Variants in RGS7 observed in about 807,000 individuals in gnomAD.
RGS7 encodes regulator of G protein signaling 7.
RGS7 carries 27 observed loss-of-function variants against 81.1 expected under a neutral mutation model. That is an observed-to-expected ratio of 0.33 (90% CI 0.25 to 0.46). The LOEUF (loss-of-function observed/expected upper bound fraction) is 0.46, where lower values mean the gene tolerates loss of function less well. Among genes scored for constraint, RGS7 ranks in the 20% least tolerant of loss-of-function variants. RGS7 has a pLI of 1.00. For missense variants in RGS7, 396 were observed against 607.4 expected (o/e 0.65, Z 3.66); for synonymous variants, 208 against 207.7 (o/e 1.00, Z -0.01).
At chr1:241,309,214 C>T (rs1352971227) in intron 2 of RGS7, among the ~76,000 whole-genome samples, 1 of 151,834 alleles carries the variant, frequency 6.6e-6, no homozygotes, top group African/African-American at 2.4e-5. Flanking sequence ...TGGTGAAACC[C>T]TGTCTCTACT....
chr1:241,086,112 T>C (rs1430769389), intron 3 of RGS7, among the ~76,000 whole-genome samples: 1 of 152,196 alleles, frequency 6.6e-6, no homozygotes, highest in African/African-American at 2.4e-5. Flanking sequence ...AACAGGTATC[T>C]CATGTATTCA....
intron 2 of RGS7, among the ~76,000 whole-genome samples, chr1:241,182,648 C>CTTTTTT (rs34005010): frequency 3.4e-5 from 4 of 118,182 alleles, no homozygotes; most frequent in Admixed American, 9.1e-5. Flanking sequence ...GCATCTCACG[C>CTTTTTT]TTTTTTTTTT....
At chr1:241,275,145 A>C in intron 2 of RGS7, among the ~76,000 whole-genome samples, 1 of 152,208 alleles carries the variant, frequency 6.6e-6, no homozygotes, top group East Asian at 1.9e-4. Flanking sequence ...ATAAAGCCTG[A>C]ATATAGCTGG....
chr1:241,207,025 G>A (rs1353454100), intron 2 of RGS7, among the ~76,000 whole-genome samples: 1 of 128,738 alleles, frequency 7.8e-6, no homozygotes, highest in Non-Finnish European at 1.6e-5. Context: ...CTGGAGTGCA[G>A]TGGTGCGATC....
intron 3 of RGS7, among the ~76,000 whole-genome samples, chr1:240,985,372 G>T (rs184513970): frequency 3.9e-5 from 6 of 152,232 alleles, no homozygotes; most frequent in Non-Finnish European, 5.9e-5. Flanking sequence ...TGTGAAAAAT[G>T]ACTTGAAAAA....
At chr1:241,212,350 G>A (rs1040207064) in intron 2 of RGS7, among the ~76,000 whole-genome samples, 23 of 152,110 alleles carry the variant, frequency 1.5e-4, no homozygotes, top group African/African-American at 4.6e-4. Context: ...TCGTGGGTGT[G>A]TCACCTGAGA....
intron 2 of RGS7, among the ~76,000 whole-genome samples, chr1:241,149,856 A>C (rs1010713068): frequency 2.6e-5 from 4 of 151,924 alleles, no homozygotes; most frequent in Middle Eastern, 3.2e-3. Context: ...GCTCACTGCA[A>C]CCTCCACCTC....
At chr1:241,000,612 T>C (rs1206081380) in intron 3 of RGS7, among the ~76,000 whole-genome samples, 1 of 151,988 alleles carries the variant, frequency 6.6e-6, no homozygotes, top group Non-Finnish European at 1.5e-5. Context: ...TAGCCATATG[T>C]AGCTAATTAA....
chr1:241,255,766 C>T (rs2077029840), intron 2 of RGS7, among the ~76,000 whole-genome samples: 1 of 152,108 alleles, frequency 6.6e-6, no homozygotes, highest in Non-Finnish European at 1.5e-5. Context: ...AATTCATATT[C>T]GACTGGAAAT....
In RGS7 at chr1:240,842,199, A is replaced by ATTTTTTTTTTTTT. The variant is rs568381066; in HGVS notation, c.610-15040_610-15028dup. ...TGATTTCAGATTATGTTTGTCAGGAATTTTTTTTTTTTTTTTTGAGACAGA... is the reference window on the plus strand; with the variant it reads ...TGATTTCAGATTATGTTTGTCAGGAATTTTTTTTTTTTTTTTTTTTTTTTTTTTTTGAGACAGA... On this transcript the variant is annotated intron_variant, in intron 9 of 18. Transcript: ENST00000440928. Among the ~76,000 whole-genome samples, 389 of 78,640 alleles carry ATTTTTTTTTTTTT rather than the reference A, an allele frequency of 4.9e-3. 90 individuals are homozygous for ATTTTTTTTTTTTT. Among genetic ancestry groups the ATTTTTTTTTTTTT allele is most frequent in the African/African-American group, 0.012 (257 of 21,308 alleles). 51.6% of individuals were successfully genotyped at this position (78,640 alleles called of 152,430 possible). A position where few individuals can be genotyped will look rare whatever the true frequency, so the allele number is the denominator to read the frequency against.
chr1:241,129,848 T>A lies in RGS7; in HGVS notation c.79-31086A>T, dbSNP rs192147717. ...CTGCCCTAAAGCACGTGGGAGCATC[T>A]TAGCAAAGGGGTGGGGGAGGTGGCT... On this transcript the variant is annotated intron_variant, in intron 2 of 18. Coordinates refer to ENST00000440928, the MANE Select transcript of RGS7 (RefSeq NM_001364886.1). 2.0e-5 allele frequency among the ~76,000 whole-genome samples: 3 copies of A among 152,272 alleles called. No individual in the cohort carries two copies. The East Asian group carries it at 5.8e-4, about 29-fold the overall frequency.
intron 3 of RGS7, among the ~76,000 whole-genome samples, chr1:241,041,367 T>C (rs140397120): frequency 6.6e-6 from 1 of 152,098 alleles, no homozygotes; most frequent in African/African-American, 2.4e-5. Context: ...GTTCATTTTG[T>C]ATATTATTTA....
At chr1:241,342,438 G>T (rs1009046991) in intron 2 of RGS7, among the ~76,000 whole-genome samples, 1 of 152,044 alleles carries the variant, frequency 6.6e-6, no homozygotes, top group Non-Finnish European at 1.5e-5. Context: ...GCTACAAGAA[G>T]AGAAAAAACC....
At chr1:241,239,607 G>A (rs1409382930) in intron 2 of RGS7, among the ~76,000 whole-genome samples, 2 of 152,126 alleles carry the variant, frequency 1.3e-5, no homozygotes, top group Non-Finnish European at 1.5e-5. Flanking sequence ...GGTCTTGTGT[G>A]CCTTCATCTT....
chr1:241,280,360 G>T (rs1416343840), intron 2 of RGS7, among the ~76,000 whole-genome samples: 2 of 152,290 alleles, frequency 1.3e-5, no homozygotes, highest in Middle Eastern at 3.4e-3. Context: ...CTCAATCTCA[G>T]GTTTCTAGTC....
chr1:241,071,874 C>CAAAAAAAAAA (rs58217460), intron 3 of RGS7, among the ~76,000 whole-genome samples: 10,760 of 56,512 alleles, frequency 0.19, 3,137 homozygotes, highest in Non-Finnish European at 0.22. Flanking sequence ...GAGACCCTGT[C>CAAAAAAAAAA]AAAAAAAAAA....
chr1:241,211,797 C>T (rs775293298), intron 2 of RGS7, among the ~76,000 whole-genome samples: 4 of 152,264 alleles, frequency 2.6e-5, no homozygotes, highest in South Asian at 2.1e-4. Context: ...AAAACAAAAA[C>T]GGATTTGAAT....
chr1:240,809,801 ATACT>A (rs1404493204), intron 14 of RGS7, among the ~76,000 whole-genome samples: 1 of 152,190 alleles, frequency 6.6e-6, no homozygotes, highest in African/African-American at 2.4e-5. Flanking sequence ...CTACTGATCT[ATACT>A]TACTAAGGAA....
chr1:241,203,636 A>G (rs185726766), intron 2 of RGS7, among the ~76,000 whole-genome samples: 195 of 152,332 alleles, frequency 1.3e-3, no homozygotes, highest in African/African-American at 4.6e-3. Flanking sequence ...TGTTTAAACC[A>G]ATCAAAGTAA....
Sources: gnomAD v4.1 joint callset for allele counts (sites outside exome capture counted in the v4.1 genomes callset) on GRCh38, gnomAD v4.1.1 for gene constraint, MANE v1.5 for transcripts, NCBI Gene and HGNC (gene_info 2026-07-23, HGNC 2026-07-21) for gene names.